The following DSCAML1 variants were observed in gnomAD, a reference collection of about 807,000 sequenced individuals.
The protein encoded by DSCAML1 is DS cell adhesion molecule like 1.
A neutral mutation model predicts 200.5 loss-of-function variants in DSCAML1; 38 were observed. The observed-to-expected ratio is 0.19, with a 90% CI of 0.15 to 0.25. The LOEUF is 0.25. Among genes scored for constraint, DSCAML1 ranks in the 10% least tolerant of loss-of-function variants. The pLI, the probability that DSCAML1 is intolerant of heterozygous loss-of-function variation, is 1.00. For missense variants in DSCAML1, 2,223 were observed against 2,858.8 expected (o/e 0.78, Z 5.07); for synonymous variants, 1,215 against 1,165.0 (o/e 1.04, Z -0.87).
intron 4 of DSCAML1, among the ~76,000 whole-genome samples, chr11:117,525,533 C>T (rs962988451): frequency 1.1e-4 from 16 of 151,650 alleles, no homozygotes; most frequent in Admixed American, 1.0e-3. Flanking sequence ...GATCTTGGCT[C>T]ACTGCAACCT....
chr11:117,451,991 T>A (rs2048292965), intron 19 of DSCAML1, among the ~76,000 whole-genome samples: 1 of 152,182 alleles, frequency 6.6e-6, no homozygotes, highest in African/African-American at 2.4e-5. Flanking sequence ...AGATACAGCG[T>A]CATCATCCTT....
At chr11:117,464,871 A>G (rs1245089548) in intron 17 of DSCAML1, 71 bp downstream of exon 17, 1 of 1,572,956 alleles carries the variant, frequency 6.4e-7, no homozygotes, top group Non-Finnish European at 8.6e-7. Context: ...GGACCCACAA[A>G]CCCTCTCTGG....
intron 3 of DSCAML1, among the ~76,000 whole-genome samples, chr11:117,597,223 A>C (rs1390044034): frequency 1.3e-5 from 2 of 152,210 alleles, no homozygotes; most frequent in African/African-American, 2.4e-5. Context: ...AGCTGACTAG[A>C]GGGGAGCACT....
chr11:117,670,727 GTT>G (rs1380007252), intron 3 of DSCAML1, among the ~76,000 whole-genome samples: 2 of 152,132 alleles, frequency 1.3e-5, no homozygotes, highest in African/African-American at 4.8e-5. Flanking sequence ...CTTGGGTAAC[GTT>G]TCATCCTTAC....
chr11:117,533,694 AC>A (rs567677635), intron 3 of DSCAML1, among the ~76,000 whole-genome samples: 1 of 149,234 alleles, frequency 6.7e-6, no homozygotes, highest in Non-Finnish European at 1.5e-5. Context: ...GCCACACAAG[AC>A]CCCCCACTCC....
intron 3 of DSCAML1, among the ~76,000 whole-genome samples, chr11:117,536,295 G>A (rs1383542233): frequency 6.6e-6 from 1 of 152,060 alleles, no homozygotes; most frequent in African/African-American, 2.4e-5. Flanking sequence ...GGCCCGGCCC[G>A]CTGTTTGGGG....
chr11:117,810,559 C>A (rs1246224693), intron 1 of DSCAML1, among the ~76,000 whole-genome samples: 5 of 152,128 alleles, frequency 3.3e-5, no homozygotes, highest in Admixed American at 2.0e-4. Context: ...TATGGGCAAG[C>A]TTCCACCTTC....
intron 7 of DSCAML1, among the ~76,000 whole-genome samples, chr11:117,517,495 C>T (rs1486318991): frequency 6.6e-6 from 1 of 152,194 alleles, no homozygotes. Context: ...CAGGGCCCGA[C>T]TGGGAAATCT....
intron 3 of DSCAML1, among the ~76,000 whole-genome samples, chr11:117,638,373 C>A (rs547077515): frequency 6.9e-6 from 1 of 144,416 alleles, no homozygotes; most frequent in Non-Finnish European, 1.5e-5. Flanking sequence ...TGTTTGCAAC[C>A]GCTCTGTTGA....
chr11:117,685,780 C>T (rs1222999266), intron 3 of DSCAML1, among the ~76,000 whole-genome samples: 1 of 152,066 alleles, frequency 6.6e-6, no homozygotes, highest in Non-Finnish European at 1.5e-5. Flanking sequence ...AGGTAAGCTG[C>T]AGGTTGAAAA....
At chr11:117,745,947 G>A (rs559636051) in intron 3 of DSCAML1, among the ~76,000 whole-genome samples, 1 of 152,222 alleles carries the variant, frequency 6.6e-6, no homozygotes, top group East Asian at 1.9e-4. Context: ...AGGCGCGGTG[G>A]CTCACGCCTG....
At chr11:117,593,708 C>T (rs1305764313) in intron 3 of DSCAML1, among the ~76,000 whole-genome samples, 4 of 129,218 alleles carry the variant, frequency 3.1e-5, no homozygotes, top group African/African-American at 1.4e-4. Flanking sequence ...CACTATATTT[C>T]TTGTTTTTTT....
chr11:117,495,542 C>G (rs1299140215), intron 11 of DSCAML1, among the ~76,000 whole-genome samples: 1 of 152,200 alleles, frequency 6.6e-6, no homozygotes, highest in Admixed American at 6.5e-5. Flanking sequence ...CTGCCAATCA[C>G]ACGAGTCATG....
In DSCAML1 at chr11:117,665,861, G is replaced by C. The variant is rs543598760; in HGVS notation, c.511+110930C>G. On this transcript the variant is annotated intron_variant, in intron 3 of 32. Transcript: ENST00000651296. ...AAAGAGTCAAAAAAGGAAAGAAACA[G>C]GGATCTATAGTCAGCCCAACCTCCT... Among the ~76,000 whole-genome samples the C allele has an allele frequency of 1.8e-4, 28 of 151,506 alleles. 1 individual carries two copies. The South Asian group carries it at 5.8e-3, about 31-fold the overall frequency.
chr11:117,739,668 G>A (rs1268300502), intron 3 of DSCAML1, among the ~76,000 whole-genome samples: 2 of 152,196 alleles, frequency 1.3e-5, no homozygotes, highest in Non-Finnish European at 2.9e-5. Context: ...GGTGTGCACT[G>A]TACGACTCAA....
At chr11:117,664,193 A>G (rs1453990171) in intron 3 of DSCAML1, among the ~76,000 whole-genome samples, 1 of 152,252 alleles carries the variant, frequency 6.6e-6, no homozygotes, top group Non-Finnish European at 1.5e-5. Context: ...TCAGGGGCCC[A>G]CATTCAGCCA....
intron 3 of DSCAML1, among the ~76,000 whole-genome samples, chr11:117,541,534 C>T (rs995198103): frequency 1.1e-4 from 16 of 152,318 alleles, no homozygotes; most frequent in Admixed American, 1.0e-3. Flanking sequence ...GTTGTCTCTC[C>T]CCCTCTAGCC....
In DSCAML1 at chr11:117,498,741, G is replaced by A. The variant is rs12797180; in HGVS notation, c.2359+5104C>T. 3.3e-5 allele frequency among the ~76,000 whole-genome samples: 5 copies of A among 152,158 alleles called. No homozygotes were observed. Among genetic ancestry groups the A allele is most frequent in the Non-Finnish European group, 5.9e-5 (4 of 68,030 alleles). The stretch of plus-strand genomic sequence containing the variant: ...CCCCCTCCATTTCTCAAGTCCCCAC[G>A]AGAGTTTGGCCCCAAGCTCCCCGCT... On this transcript the variant is annotated intron_variant, in intron 11 of 32. Transcript: ENST00000651296. The surrounding 1 kb of genome is among the most constrained non-coding windows in gnomAD (Gnocchi z 4.0).
Position 117,642,630 on chromosome 11 carries a change from C to T in DSCAML1, c.512-110108G>A, listed in dbSNP as rs1477108977. Among the ~76,000 whole-genome samples, 2 of 152,238 alleles carry T rather than the reference C, an allele frequency of 1.3e-5. No individual in the cohort carries two copies. The highest frequency in any genetic ancestry group is 3.8e-4 in the East Asian group (2 of 5,202). ...ACAGCAGTGCCTGAGGGAGCCCTTCCATCCCTGCCCATAGTTGCAGTGGCC... is the reference window on the plus strand; with the variant it reads ...ACAGCAGTGCCTGAGGGAGCCCTTCTATCCCTGCCCATAGTTGCAGTGGCC... On this transcript the variant is annotated intron_variant, in intron 3 of 32. Coordinates refer to ENST00000651296, the MANE Select transcript of DSCAML1 (RefSeq NM_020693.4). This position sits in a 1 kb window ranked among gnomAD's most constrained non-coding sequence, Gnocchi z 4.1.
Sources: gnomAD v4.1 joint callset for allele counts (sites outside exome capture counted in the v4.1 genomes callset) on GRCh38, gnomAD v4.1.1 for gene constraint, Gnocchi (gnomAD v3.1) non-coding constraint, MANE v1.5 for transcripts, NCBI Gene and HGNC (gene_info 2026-07-23, HGNC 2026-07-21) for gene names.